HEG1: variants seen among roughly 807,000 people sequenced by gnomAD.
HEG1 encodes protein HEG homolog 1.
A neutral mutation model predicts 125.6 loss-of-function variants in HEG1; 56 were observed. The ratio of observed to expected loss-of-function variants is 0.45; its 90% CI spans 0.36 to 0.56. The LOEUF (loss-of-function observed/expected upper bound fraction) is 0.56, where lower values mean the gene tolerates loss of function less well. Ranked by LOEUF, HEG1 falls within the 20% of genes least tolerant of loss-of-function variation. The probability of loss-of-function intolerance (pLI) is 0.00; values close to 1 mark genes in which losing one functional copy is unlikely to be tolerated. For missense variants in HEG1, 1,523 were observed against 1,670.0 expected (o/e 0.91, Z 1.53); for synonymous variants, 644 against 668.5 (o/e 0.96, Z 0.57).
chr3:125,021,003 C>G lies in HEG1; in HGVS notation c.1041G>C (p.Thr347=). 6.2e-7 allele frequency: 1 copy of G among 1,613,782 alleles called. No individual in the cohort carries two copies. The highest frequency in any genetic ancestry group is 1.1e-5 in the South Asian group (1 of 91,036). ...TCTTGCTCACAGGTCCCAGACTGAC[C>G]GTCAAAGATCGCAGCGTTCTCGGGC... ...DGGPRTLRSL[T]VSLGPVSKTE... The change falls in exon 4 of 17, where the codon ACG becomes ACC. Residue 347 remains threonine, a synonymous_variant. Coordinates refer to ENST00000311127, the MANE Select transcript of HEG1 (RefSeq NM_020733.2).
chr3:125,026,464 TG>T (rs1937416078), intron 3 of HEG1, among the ~76,000 whole-genome samples: 1 of 152,030 alleles, frequency 6.6e-6, no homozygotes, highest in Non-Finnish European at 1.5e-5. Context: ...GAATAGTAAT[TG>T]GAACAGCAGA....
At position 124,998,953 on chromosome 3, in the gene HEG1, A is replaced by G. The variant is rs1400377918; in HGVS notation, c.3518-1130T>C. Among the ~76,000 whole-genome samples the G allele has an allele frequency of 2.0e-5, 3 of 152,206 alleles. No individual in the cohort carries two copies. In the South Asian group the frequency reaches 6.2e-4, roughly 32 times the overall value. On this transcript the variant is annotated intron_variant, in intron 11 of 16. Transcript: ENST00000311127. ...TATTGTGCAGGGAGGAATGGCTGCC[A>G]ATTTTCCAGGCATGGTCTCCCATTT...
Position 124,997,916 on chromosome 3 carries a change from T to A in HEG1, c.3518-93A>T, listed in dbSNP as rs116560637. 2,028 of 1,345,658 alleles carry A rather than the reference T, an allele frequency of 1.5e-3. 24 individuals carry two copies. In the African/African-American group the frequency reaches 0.023, roughly 15 times the overall value. 83.4% of individuals were successfully genotyped at this position (1,345,658 alleles called of 1,614,324 possible). A position where few individuals can be genotyped will look rare whatever the true frequency, so the allele number is the denominator to read the frequency against. ...CCACTTCAAAGCTCATGTGTCTGCA[T>A]GAACTCTCTATTTCAAGAGGCTGAG... On this transcript the variant is annotated intron_variant, in intron 11 of 16. Transcript: ENST00000311127.
At chr3:124,985,189 T>C (rs900611833) in intron 14 of HEG1, among the ~76,000 whole-genome samples, 15 of 152,314 alleles carry the variant, frequency 9.8e-5, no homozygotes, top group African/African-American at 3.6e-4. Context: ...GAGCCCGAAG[T>C]TGCTCATTTC....
At chr3:125,017,024 T>A (rs1031069915) in intron 5 of HEG1, among the ~76,000 whole-genome samples, 2 of 151,996 alleles carry the variant, frequency 1.3e-5, no homozygotes, top group South Asian at 4.1e-4. Flanking sequence ...AAATTATATA[T>A]TTGATAAAGG....
At chr3:124,983,354 TG>T (rs1168901964) in intron 14 of HEG1, among the ~76,000 whole-genome samples, 1 of 149,456 alleles carries the variant, frequency 6.7e-6, no homozygotes. Flanking sequence ...ATCTTTTTTT[TG>T]AGACAGGGTC....
At chr3:125,029,846 C>T (rs371196790) in intron 1 of HEG1, among the ~76,000 whole-genome samples, 100 of 152,294 alleles carry the variant, frequency 6.6e-4, no homozygotes, top group African/African-American at 2.1e-3. Context: ...GAGCCAAGAA[C>T]GTGCCATTGC....
At chr3:124,989,632 G>A (rs371867205) in intron 14 of HEG1, among the ~76,000 whole-genome samples, 8 of 152,098 alleles carry the variant, frequency 5.3e-5, no homozygotes, top group South Asian at 4.1e-4. Context: ...AACACGCCCC[G>A]CTCACAGTCC....
intron 1 of HEG1, among the ~76,000 whole-genome samples, chr3:125,039,335 C>A (rs1254809021): frequency 2.0e-5 from 3 of 152,164 alleles, no homozygotes; most frequent in Non-Finnish European, 2.9e-5. Flanking sequence ...TGCCACCCCC[C>A]ACTCCCTGCC....
chr3:124,989,979 G>T (rs1462178392), intron 14 of HEG1, among the ~76,000 whole-genome samples: 1 of 152,002 alleles, frequency 6.6e-6, no homozygotes, highest in Non-Finnish European at 1.5e-5. Context: ...CTATCTTCCA[G>T]CCACATCCAC....
At chr3:125,008,555 C>T (rs759533725) in intron 8 of HEG1, among the ~76,000 whole-genome samples, 4 of 152,192 alleles carry the variant, frequency 2.6e-5, no homozygotes, top group Admixed American at 6.5e-5. Context: ...AATCCCAGCA[C>T]GTTGGGAGGC....
intron 3 of HEG1, among the ~76,000 whole-genome samples, chr3:125,023,972 C>CCGA (rs1553778774): frequency 1.3e-5 from 2 of 151,686 alleles, no homozygotes; most frequent in Non-Finnish European, 2.9e-5. Flanking sequence ...GCTGAAGCAG[C>CCGA]TATTTGAGAA....
intron 7 of HEG1, 65 bp downstream of exon 7, chr3:125,010,374 G>A: frequency 1.1e-6 from 1 of 922,634 alleles, no homozygotes; most frequent in African/African-American, 1.7e-5. Context: ...GAGGAAAAAG[G>A]AGTTTATTGG....
chr3:124,969,048 T>C lies in HEG1; in HGVS notation c.*1604A>G, dbSNP rs944845939. 9 of 152,256 alleles carry C rather than the reference T, an allele frequency of 5.9e-5. No individual in the cohort carries two copies. The South Asian group carries it at 1.5e-3, about 25-fold the overall frequency. 9.4% of individuals were successfully genotyped at this position (152,256 alleles called of 1,614,324 possible). On this transcript the variant is annotated 3_prime_UTR_variant, in exon 17 of 17. Coordinates refer to ENST00000311127, the MANE Select transcript of HEG1 (RefSeq NM_020733.2). ...ATCAGGGCCAAGGATTATGTAAGAA[T>C]AGGGATTATATTTAGAGGACCTTGA...
intron 1 of HEG1, among the ~76,000 whole-genome samples, chr3:125,030,498 C>T (rs1937483189): frequency 2.0e-5 from 3 of 152,058 alleles, no homozygotes; most frequent in Admixed American, 1.3e-4. Flanking sequence ...AGACAGTATC[C>T]ACAAGAAAGA....
At chr3:125,048,905 G>C (rs1411228731) in intron 1 of HEG1, among the ~76,000 whole-genome samples, 1 of 152,206 alleles carries the variant, frequency 6.6e-6, no homozygotes, top group African/African-American at 2.4e-5. Flanking sequence ...GAGAGGAATG[G>C]AGGGTGACTT....
Position 125,055,908 on chromosome 3 carries a change from G to A in HEG1, c.-18C>T. ...GAGGCCATGGTGACGGCGCCCGCCC[G>A]CGCTCACATGCCCGGCGCGCGGGGC... On this transcript the variant is annotated 5_prime_UTR_variant, in exon 1 of 17. Coordinates refer to ENST00000311127, the MANE Select transcript of HEG1 (RefSeq NM_020733.2). 1.0e-6 allele frequency: 1 copy of A among 978,110 alleles called. No individual in the cohort carries two copies. Among genetic ancestry groups the A allele is most frequent in the African/African-American group, 1.8e-5 (1 of 56,374 alleles). 60.6% of individuals were successfully genotyped at this position (978,110 alleles called of 1,614,324 possible). A position where few individuals can be genotyped will look rare whatever the true frequency, so the allele number is the denominator to read the frequency against.
At position 125,055,994 on chromosome 3, in the gene HEG1, G is replaced by C; in HGVS notation, c.-104C>G. The C allele has an allele frequency of 5.3e-6, 3 of 566,514 alleles. No individual in the cohort carries two copies. Among genetic ancestry groups the C allele is most frequent in the Non-Finnish European group, 6.7e-6 (3 of 447,600 alleles). 35.1% of individuals were successfully genotyped at this position (566,514 alleles called of 1,614,324 possible). ...CCGCGCGGGGCCGGGGAAGTGAGCG[G>C]AGTGAGGCTGCGAGCGCGCTCCCCG... On this transcript the variant is annotated 5_prime_UTR_variant, in exon 1 of 17. Coordinates refer to ENST00000311127, the MANE Select transcript of HEG1 (RefSeq NM_020733.2).
intron 1 of HEG1, among the ~76,000 whole-genome samples, chr3:125,046,346 T>C (rs1430778640): frequency 6.6e-6 from 1 of 151,774 alleles, no homozygotes; most frequent in East Asian, 1.9e-4. Flanking sequence ...TTTCTAAAAT[T>C]TGCTACTTTT....
Sources: allele counts gnomAD v4.1 joint callset (sites outside exome capture counted in the v4.1 genomes callset), GRCh38; gene constraint gnomAD v4.1.1; transcripts MANE v1.5; gene names NCBI Gene and HGNC (gene_info 2026-07-23, HGNC 2026-07-21).